CCDC7: variants seen among roughly 807,000 people sequenced by gnomAD.
The protein encoded by CCDC7 is coiled-coil domain-containing protein 7.
In CCDC7, 183 loss-of-function variants were observed where a neutral mutation model predicts 196.9. The observed-to-expected ratio is 0.93, with a 90% CI of 0.82 to 1.05. The LOEUF is 1.05. Ranked by LOEUF, CCDC7 falls within the 50% of genes least tolerant of loss-of-function variation. The pLI, the probability that CCDC7 is intolerant of heterozygous loss-of-function variation, is 0.00. For synonymous variants in CCDC7, 525 were observed against 484.6 expected, an observed-to-expected ratio of 1.08 and a Z score of -1.10; for missense variants, 1,540 against 1,482.2, an observed-to-expected ratio of 1.04 and a Z score of -0.64.
intron 8 of CCDC7, among the ~76,000 whole-genome samples, chr10:32,488,383 CA>C (rs1371337879): frequency 1.3e-5 from 2 of 152,220 alleles, no homozygotes; most frequent in African/African-American, 4.8e-5. Flanking sequence ...TGCCGTCTGT[CA>C]CCCCTTTCTT....
chr10:32,546,898 G>A (rs2052555194), intron 13 of CCDC7, among the ~76,000 whole-genome samples: 1 of 152,144 alleles, frequency 6.6e-6, no homozygotes, highest in South Asian at 2.1e-4. Flanking sequence ...GCAGTTTAGG[G>A]CTGAGGCACT....
At chr10:32,773,135 G>C (rs151316987) in intron 28 of CCDC7, among the ~76,000 whole-genome samples, 2 of 152,166 alleles carry the variant, frequency 1.3e-5, no homozygotes, top group Non-Finnish European at 2.9e-5. Context: ...ATTTGATTAT[G>C]ATGTGCCTTG....
At chr10:32,555,564 G>C (rs1400028892) in intron 13 of CCDC7, among the ~76,000 whole-genome samples, 3 of 152,036 alleles carry the variant, frequency 2.0e-5, no homozygotes, top group Admixed American at 6.6e-5. Context: ...TTTTTAAGGA[G>C]AGGACACATT....
chr10:32,562,518 A>G (rs1237816630), intron 13 of CCDC7, among the ~76,000 whole-genome samples: 1 of 152,214 alleles, frequency 6.6e-6, no homozygotes, highest in Non-Finnish European at 1.5e-5. Context: ...AATAAATGTA[A>G]TCCAGCATAT....
chr10:32,474,483 T>TGCCTTG (rs1438829064), intron 8 of CCDC7, among the ~76,000 whole-genome samples: 1 of 151,832 alleles, frequency 6.6e-6, no homozygotes, highest in Non-Finnish European at 1.5e-5. Context: ...GTAATCTGCC[T>TGCCTTG]GCCTTGGCCT....
intron 18 of CCDC7, among the ~76,000 whole-genome samples, chr10:32,587,556 T>G (rs2059406061): frequency 6.6e-6 from 1 of 152,230 alleles, no homozygotes; most frequent in Admixed American, 6.5e-5. Context: ...CACCAGGGAT[T>G]AAGTTTCTAG....
At chr10:32,580,895 TAGAA>T (rs1404998326) in intron 16 of CCDC7, among the ~76,000 whole-genome samples, 2 of 151,456 alleles carry the variant, frequency 1.3e-5, no homozygotes, top group East Asian at 1.9e-4. Flanking sequence ...AAGAAGGTAT[TAGAA>T]AGAAAAAAAA....
intron 32 of CCDC7, among the ~76,000 whole-genome samples, chr10:32,829,140 A>C (rs1339103944): frequency 1.3e-5 from 2 of 152,220 alleles, no homozygotes; most frequent in Non-Finnish European, 2.9e-5. Context: ...GAGATTCATT[A>C]GGGCATCTCT....
intron 38 of CCDC7, 125 bp from the exon 40 acceptor site, chr10:32,848,471 C>T (rs902946203): frequency 3.8e-5 from 25 of 653,566 alleles, no homozygotes; most frequent in African/African-American, 3.1e-4. Flanking sequence ...AAACAAGTGG[C>T]CATTTAATAA....
intron 39 of CCDC7, among the ~76,000 whole-genome samples, chr10:32,849,853 G>A (rs866724568): frequency 2.0e-5 from 3 of 152,064 alleles, no homozygotes; most frequent in South Asian, 2.1e-4. Context: ...ATTGCCATAC[G>A]CAGAACTGAA....
chr10:32,670,991 T>C (rs2073955190), intron 21 of CCDC7, among the ~76,000 whole-genome samples: 6 of 152,156 alleles, frequency 3.9e-5, no homozygotes, highest in Admixed American at 3.9e-4. Flanking sequence ...TTAAGCTGTG[T>C]CATTACAAAA....
At chr10:32,700,833 C>G (rs1361581916) in intron 24 of CCDC7, among the ~76,000 whole-genome samples, 3 of 152,150 alleles carry the variant, frequency 2.0e-5, no homozygotes, top group African/African-American at 7.2e-5. Flanking sequence ...AATGGGAATT[C>G]ACTCACGATT....
At chr10:32,546,848 TCTTC>T (rs2052546361) in intron 13 of CCDC7, among the ~76,000 whole-genome samples, 1 of 152,348 alleles carries the variant, frequency 6.6e-6, no homozygotes, top group South Asian at 2.1e-4. Flanking sequence ...TTGAGAATCC[TCTTC>T]CAAGCTCAAG....
At chr10:32,727,692 A>G (rs111376076) in intron 26 of CCDC7, among the ~76,000 whole-genome samples, 1,558 of 152,002 alleles carry the variant, frequency 0.01, 15 homozygotes, top group Non-Finnish European at 0.017. Flanking sequence ...CTTTTGTACC[A>G]ACCTAATATA....
At chr10:32,483,803 T>G (rs1003820110) in intron 8 of CCDC7, among the ~76,000 whole-genome samples, 8 of 152,180 alleles carry the variant, frequency 5.3e-5, no homozygotes, top group African/African-American at 1.9e-4. Context: ...ATCAGATGGT[T>G]TTCGATGTGT....
intron 30 of CCDC7, among the ~76,000 whole-genome samples, chr10:32,809,630 C>G (rs927191261): frequency 2.0e-5 from 3 of 152,258 alleles, no homozygotes; most frequent in South Asian, 2.1e-4. Flanking sequence ...AGAAAAAATG[C>G]TCATCATCAC....
intron 8 of CCDC7, among the ~76,000 whole-genome samples, chr10:32,488,590 G>A (rs1490649411): frequency 6.6e-6 from 1 of 152,204 alleles, no homozygotes; most frequent in Non-Finnish European, 1.5e-5. Flanking sequence ...GCTGGGAGCT[G>A]TAGACTGGAG....
chr10:32,881,700 G>C (rs866876363), downstream of CCDC7, among the ~76,000 whole-genome samples: 2 of 152,008 alleles, frequency 1.3e-5, no homozygotes, highest in Non-Finnish European at 2.9e-5. Context: ...AAGCTTACAG[G>C]CTGGGTGCTC....
intron 32 of CCDC7, among the ~76,000 whole-genome samples, chr10:32,830,820 A>G (rs2092090183): frequency 6.6e-6 from 1 of 152,174 alleles, no homozygotes; most frequent in Non-Finnish European, 1.5e-5. Flanking sequence ...GAAATTTTGA[A>G]AAATGTTTGA....
Sources: allele counts gnomAD v4.1 joint callset (sites outside exome capture counted in the v4.1 genomes callset), GRCh38; gene constraint gnomAD v4.1.1; transcripts MANE v1.5; gene names NCBI Gene and HGNC (gene_info 2026-07-23, HGNC 2026-07-21).